Variants in INPP4B observed in about 807,000 individuals in gnomAD.
The protein encoded by INPP4B is inositol polyphosphate-4-phosphatase type II B, also known as inositol polyphosphate 4-phosphatase type II.
INPP4B carries 55 observed loss-of-function variants against 122.5 expected under a neutral mutation model. The observed-to-expected ratio is 0.45, with a 90% confidence interval of 0.36 to 0.56. The LOEUF is 0.56. Ranked by LOEUF, INPP4B falls within the 20% of genes least tolerant of loss-of-function variation. INPP4B has a pLI of 0.00. For missense variants in INPP4B, 1,000 were observed against 1,097.7 expected, an observed-to-expected ratio of 0.91 and a Z score of 1.26; for synonymous variants, 403 against 388.7, an observed-to-expected ratio of 1.04 and a Z score of -0.43.
Position 142,173,736 on chromosome 4 carries a change from G to T in INPP4B, c.1255C>A (p.Gln419Lys), listed in dbSNP as rs1334421436. The part of the protein sequence containing the change: ...KAKEVLSNIN[Q>K]LQPLIATHAD... ...TGGGTTGCTATAAGAGGTTGTAGTT[G>T]ATTGATGTTGCTGAGAACTTCCTTT... Residue 419 changes from glutamine to lysine, a missense_variant, in exon 16 of 26, where the codon CAA becomes AAA. Physicochemically the swap from Gln to Lys is moderately conservative, Grantham distance 53. Coordinates refer to ENST00000262992, the MANE Select transcript of INPP4B (RefSeq NM_001101669.3). 2 of 1,613,290 alleles carry T rather than the reference G, an allele frequency of 1.2e-6. No homozygotes were observed. The highest frequency in any genetic ancestry group is 2.2e-5 in the South Asian group (2 of 91,054).
At chr4:142,826,458 C>A (rs28453834) in intron 1 of INPP4B, among the ~76,000 whole-genome samples, 1 of 151,842 alleles carries the variant, frequency 6.6e-6, no homozygotes, top group East Asian at 1.9e-4. Context: ...ATCCTGTCCC[C>A]TTTTCCATTC....
At chr4:142,719,090 TC>T (rs1187718084) in intron 2 of INPP4B, among the ~76,000 whole-genome samples, 1 of 152,164 alleles carries the variant, frequency 6.6e-6, no homozygotes, top group Non-Finnish European at 1.5e-5. Flanking sequence ...CAGATTTTTT[TC>T]CAAGGGAGAG....
At chr4:142,314,877 A>T (rs1174925058) in intron 7 of INPP4B, 115 bp from the exon 8 acceptor site, 1 of 800,714 alleles carries the variant, frequency 1.2e-6, no homozygotes, top group East Asian at 2.7e-5. Flanking sequence ...TCTGTGGTTA[A>T]TCATTAATGA....
At chr4:142,353,576 CTG>C (rs758762487) in intron 7 of INPP4B, among the ~76,000 whole-genome samples, 81 of 152,024 alleles carry the variant, frequency 5.3e-4, no homozygotes, top group Non-Finnish European at 1.1e-3. Context: ...CTTTCTCTCT[CTG>C]TATATATACG....
Position 142,260,392 on chromosome 4 carries a change from C to A in INPP4B, c.688+100G>T, listed in dbSNP as rs911654901. On this transcript the variant is annotated intron_variant, in intron 11 of 25. Transcript: ENST00000262992. ...ATGATTTCCCAGTGTATTTACTAAG[C>A]TTCACAAACAACTGTGAGAATGCTG... is the stretch of plus-strand genomic sequence containing the variant. 19 of 767,884 alleles carry A rather than the reference C, an allele frequency of 2.5e-5. No individual in the cohort carries two copies. The African/African-American group carries it at 3.2e-4, about 13-fold the overall frequency. 47.6% of individuals were successfully genotyped at this position (767,884 alleles called of 1,614,324 possible). A position where few individuals can be genotyped will look rare whatever the true frequency, so the allele number is the denominator to read the frequency against.
At chr4:142,633,289 C>T (rs1342233998) in intron 2 of INPP4B, among the ~76,000 whole-genome samples, 1 of 151,944 alleles carries the variant, frequency 6.6e-6, no homozygotes, top group East Asian at 1.9e-4. Context: ...TACTCAATAA[C>T]AATTTGAAAT....
intron 23 of INPP4B, among the ~76,000 whole-genome samples, chr4:142,094,972 A>G (rs1318536879): frequency 6.6e-6 from 1 of 152,222 alleles, no homozygotes; most frequent in Non-Finnish European, 1.5e-5. Context: ...AATTTATTCC[A>G]TTCATATGGC....
At chr4:142,804,897 G>C (rs1335713353) in intron 1 of INPP4B, among the ~76,000 whole-genome samples, 5 of 152,086 alleles carry the variant, frequency 3.3e-5, no homozygotes, top group African/African-American at 1.2e-4. Flanking sequence ...GAACTCCTGG[G>C]CTCAAGCGAT....
At chr4:142,318,496 C>G (rs1768700097) in intron 7 of INPP4B, among the ~76,000 whole-genome samples, 1 of 152,116 alleles carries the variant, frequency 6.6e-6, no homozygotes, top group Non-Finnish European at 1.5e-5. Flanking sequence ...TTCATTTTCC[C>G]TTTTTTGGTC....
chr4:142,238,578 T>G (rs1208360859), intron 11 of INPP4B, among the ~76,000 whole-genome samples: 1 of 152,098 alleles, frequency 6.6e-6, no homozygotes, highest in East Asian at 1.9e-4. Flanking sequence ...CTCTTTTGTC[T>G]TAAAATCTGT....
chr4:142,352,070 G>T (rs1022679492), intron 7 of INPP4B, among the ~76,000 whole-genome samples: 1 of 151,916 alleles, frequency 6.6e-6, no homozygotes, highest in Non-Finnish European at 1.5e-5. Flanking sequence ...TCCTGATGGG[G>T]TGTTCAGTAA....
intron 11 of INPP4B, among the ~76,000 whole-genome samples, chr4:142,246,340 A>G (rs910773722): frequency 1.2e-4 from 18 of 152,120 alleles, no homozygotes; most frequent in African/African-American, 3.6e-4. Context: ...AAGAAAGTCA[A>G]TGGTAACTTG....
chr4:142,789,770 A>G (rs1325896243), intron 1 of INPP4B, among the ~76,000 whole-genome samples: 1 of 152,074 alleles, frequency 6.6e-6, no homozygotes, highest in African/African-American at 2.4e-5. Context: ...AAAAGCCCAC[A>G]TTGCCAAACC....
In INPP4B at chr4:142,516,765, GT is replaced by G. The variant is rs967930736; in HGVS notation, c.-190-54040del. Among the ~76,000 whole-genome samples the G allele has an allele frequency of 3.9e-3, 568 of 145,922 alleles. 4 individuals carry two copies. Among genetic ancestry groups the G allele is most frequent in the African/African-American group, 9.1e-3 (366 of 40,046 alleles). The stretch of plus-strand genomic sequence containing the variant: ...GTCAGGGCATTCATTTTCCTGTTTT[GT>G]TTTTTTTTTTCCCCCAGTCAGGTTA... On this transcript the variant is annotated intron_variant, in intron 2 of 25. Coordinates refer to ENST00000262992, the MANE Select transcript of INPP4B (RefSeq NM_001101669.3).
intron 12 of INPP4B, among the ~76,000 whole-genome samples, chr4:142,221,435 C>T (rs1480831079): frequency 1.3e-5 from 2 of 149,876 alleles, no homozygotes; most frequent in African/African-American, 2.4e-5. Flanking sequence ...CACAATCCCT[C>T]TCCCACTAGA....
At chr4:142,056,459 G>GAATT (rs971765793) in intron 25 of INPP4B, among the ~76,000 whole-genome samples, 24 of 152,140 alleles carry the variant, frequency 1.6e-4, no homozygotes, top group African/African-American at 5.8e-4. Flanking sequence ...TTTGATTAGG[G>GAATT]AATTAGGCAC....
At position 142,579,491 on chromosome 4, in the gene INPP4B, C is replaced by T. The variant is rs149120870; in HGVS notation, c.-190-116765G>A. On this transcript the variant is annotated intron_variant, in intron 2 of 25. Coordinates refer to ENST00000262992, the MANE Select transcript of INPP4B (RefSeq NM_001101669.3). ...ATTCTGGGTGTTTCTATACAGCTGG[C>T]TTTTGATGAGATTAACATTTAAATT... Among the ~76,000 whole-genome samples the T allele has an allele frequency of 3.3e-3, 496 of 152,072 alleles. 7 individuals carry two copies. The highest frequency in any genetic ancestry group is 0.018 in the East Asian group (93 of 5,148).
chr4:142,712,284 C>T (rs1435031438), intron 2 of INPP4B, among the ~76,000 whole-genome samples: 2 of 152,140 alleles, frequency 1.3e-5, no homozygotes, highest in East Asian at 3.9e-4. Context: ...AAGATAGCCA[C>T]TAGGCAAAAA....
intron 4 of INPP4B, among the ~76,000 whole-genome samples, chr4:142,430,680 TATTTGTGGCCTAG>T (rs1468035974): frequency 5.9e-5 from 9 of 152,154 alleles, no homozygotes; most frequent in Admixed American, 5.9e-4. Flanking sequence ...ACTGGCTCTA[TATTTGTGGCCTAG>T]TGCTCTCTGG....
Sources: allele counts gnomAD v4.1 joint callset (sites outside exome capture counted in the v4.1 genomes callset), GRCh38; gene constraint gnomAD v4.1.1; transcripts MANE v1.5; gene names NCBI Gene and HGNC (gene_info 2026-07-23, HGNC 2026-07-21).